The following AXDND1 variants were observed in gnomAD, a reference collection of about 807,000 sequenced individuals.
The protein encoded by AXDND1 is axonemal dynein light chain domain containing 1, also known as axonemal dynein light chain domain-containing protein 1.
Under a neutral mutation model 137.5 loss-of-function variants are expected in AXDND1, and 110 were observed. That is an observed-to-expected ratio of 0.80 (90% CI 0.69 to 0.94). The LOEUF (loss-of-function observed/expected upper bound fraction) is 0.94, where lower values mean the gene tolerates loss of function less well. Ranked by LOEUF, AXDND1 falls within the 40% of genes least tolerant of loss-of-function variation. AXDND1 has a pLI of 0.00. For synonymous variants in AXDND1, 414 were observed against 399.7 expected, an observed-to-expected ratio of 1.04 and a Z score of -0.43; for missense variants, 1,191 against 1,169.8, an observed-to-expected ratio of 1.02 and a Z score of -0.26.
intron 15 of AXDND1, among the ~76,000 whole-genome samples, chr1:179,436,704 C>A (rs570061677): frequency 7.2e-5 from 11 of 152,010 alleles, no homozygotes; most frequent in African/African-American, 2.7e-4. Context: ...GGTGCAGGGG[C>A]AAGGGGAAGG....
chr1:179,369,234 C>T (rs1667779364), intron 3 of AXDND1, among the ~76,000 whole-genome samples: 1 of 152,080 alleles, frequency 6.6e-6, no homozygotes, highest in African/African-American at 2.4e-5. Context: ...TGTGCCACCA[C>T]ACCTGGCTAA....
intron 25 of AXDND1, chr1:179,550,792 G>A: frequency 3.2e-6 from 1 of 308,664 alleles, no homozygotes; most frequent in Non-Finnish European, 6.3e-6. Flanking sequence ...ATAGGTGCTT[G>A]TAGGAAGGGC....
chr1:179,524,523 C>G (rs1254671357), intron 21 of AXDND1, among the ~76,000 whole-genome samples: 2 of 152,180 alleles, frequency 1.3e-5, no homozygotes, highest in African/African-American at 2.4e-5. Flanking sequence ...GAACTCATCT[C>G]TCTCTCCAAA....
chr1:179,474,365 C>T (rs1448377180), intron 17 of AXDND1, among the ~76,000 whole-genome samples: 1 of 151,962 alleles, frequency 6.6e-6, no homozygotes, highest in Non-Finnish European at 1.5e-5. Flanking sequence ...GGATAATGGG[C>T]AGAGGTTGGA....
chr1:179,546,366 CAA>C (rs1672647457), intron 25 of AXDND1: 2 of 151,750 alleles, frequency 1.3e-5, no homozygotes, highest in Admixed American at 1.3e-4. Context: ...CTGCTCTCTG[CAA>C]GTTAGCCTGG....
intron 4 of AXDND1, among the ~76,000 whole-genome samples, chr1:179,375,622 C>T (rs967946871): frequency 6.7e-6 from 1 of 148,566 alleles, no homozygotes; most frequent in Non-Finnish European, 1.5e-5. Context: ...TGTATCTACA[C>T]ACACATATAT....
intron 17 of AXDND1, among the ~76,000 whole-genome samples, chr1:179,469,657 T>C (rs1663679250): frequency 1.3e-5 from 2 of 152,294 alleles, no homozygotes; most frequent in Middle Eastern, 3.4e-3. Context: ...GCAGTGCATG[T>C]GGGTTCTGAT....
chr1:179,501,418 A>G (rs1667987383), intron 20 of AXDND1, among the ~76,000 whole-genome samples: 1 of 152,200 alleles, frequency 6.6e-6, no homozygotes, highest in Admixed American at 6.5e-5. Flanking sequence ...TTTCCAATTA[A>G]AAATACTAGG....
chr1:179,463,736 A>G (rs1458745097), intron 16 of AXDND1, among the ~76,000 whole-genome samples: 1 of 152,060 alleles, frequency 6.6e-6, no homozygotes, highest in East Asian at 1.9e-4. Context: ...GTCTCCCATT[A>G]TTATTGTGTG....
At chr1:179,405,983 C>T (rs1014006746) in intron 11 of AXDND1, among the ~76,000 whole-genome samples, 8 of 151,850 alleles carry the variant, frequency 5.3e-5, no homozygotes, top group African/African-American at 1.9e-4. Flanking sequence ...TGAAATCTTT[C>T]TGCTCTTTTG....
intron 2 of AXDND1, among the ~76,000 whole-genome samples, chr1:179,367,137 G>T (rs951005776): frequency 6.6e-6 from 1 of 151,716 alleles, no homozygotes; most frequent in Non-Finnish European, 1.5e-5. Context: ...CAAGAGAATC[G>T]CTTGAACCCA....
intron 12 of AXDND1, among the ~76,000 whole-genome samples, chr1:179,418,891 C>T (rs1274720248): frequency 1.3e-5 from 2 of 151,940 alleles, no homozygotes; most frequent in African/African-American, 4.8e-5. Context: ...GGTCTCCTCA[C>T]TTCTCAGACG....
At chr1:179,552,619 C>G in intron 25 of AXDND1, 1 of 1,613,764 alleles carries the variant, frequency 6.2e-7, no homozygotes, top group Non-Finnish European at 8.5e-7. Context: ...TTTGGCTTGT[C>G]TTTGCGCTTC....
intron 4 of AXDND1, among the ~76,000 whole-genome samples, chr1:179,373,604 G>A (rs1224425223): frequency 6.6e-6 from 1 of 152,138 alleles, no homozygotes; most frequent in African/African-American, 2.4e-5. Context: ...AACCAAAACA[G>A]CATGGTACTG....
intron 21 of AXDND1, among the ~76,000 whole-genome samples, chr1:179,511,975 G>A (rs1669104274): frequency 6.6e-6 from 1 of 152,106 alleles, no homozygotes; most frequent in Admixed American, 6.5e-5. Context: ...TCCTTTGTCA[G>A]ATGTAAAGAT....
intron 9 of AXDND1, among the ~76,000 whole-genome samples, chr1:179,391,631 G>C (rs1553256931): frequency 6.6e-6 from 1 of 151,956 alleles, no homozygotes; most frequent in Non-Finnish European, 1.5e-5. Flanking sequence ...CCAGCTCCTG[G>C]GTTCAGGTGA....
intron 16 of AXDND1, among the ~76,000 whole-genome samples, chr1:179,445,444 C>T (rs544114367): frequency 2.1e-4 from 32 of 151,914 alleles, no homozygotes; most frequent in Non-Finnish European, 4.1e-4. Context: ...CATCTATTAC[C>T]ACAGTCAATT....
chr1:179,430,592 G>T lies in AXDND1; in HGVS notation c.1473G>T (p.Trp491Cys), dbSNP rs1657221146. 8.7e-6 allele frequency: 14 copies of T among 1,609,762 alleles called. No individual in the cohort carries two copies. Among genetic ancestry groups the T allele is most frequent in the African/African-American group, 1.3e-5 (1 of 74,524 alleles). The change falls in exon 14 of 26, where the codon TGG (tryptophan) becomes TGT (cysteine). Residue 491 changes from tryptophan (W) to cysteine (C), a missense_variant. Coordinates refer to ENST00000367618, the MANE Select transcript of AXDND1 (RefSeq NM_144696.6). ...TTGTTAAGGATGGGCTTATCAAATGGCAGGAGTTCTTCAAGTGAGTCACCA... is the reference window on the plus strand; with the variant it reads ...TTGTTAAGGATGGGCTTATCAAATGTCAGGAGTTCTTCAAGTGAGTCACCA... ...LKIVKDGLIK[W>C]QEFFNEKDIL...
intron 22 of AXDND1, among the ~76,000 whole-genome samples, chr1:179,526,798 GT>G (rs1403488258): frequency 2.0e-5 from 3 of 152,190 alleles, no homozygotes; most frequent in African/African-American, 7.2e-5. Flanking sequence ...CTTAACCAGA[GT>G]GACTCCATCT....
Sources: allele counts gnomAD v4.1 joint callset (sites outside exome capture counted in the v4.1 genomes callset), GRCh38; gene constraint gnomAD v4.1.1; transcripts MANE v1.5; gene names NCBI Gene and HGNC (gene_info 2026-07-23, HGNC 2026-07-21).